The following STPG2 variants were observed in gnomAD, a reference collection of about 807,000 sequenced individuals.
STPG2 encodes the protein sperm tail PG-rich repeat containing 2, also known as sperm-tail PG-rich repeat-containing protein 2.
STPG2 carries 56 observed loss-of-function variants against 54.2 expected under a neutral mutation model. The observed-to-expected ratio is 1.03, with a 90% CI of 0.83 to 1.29. STPG2 has a LOEUF of 1.29. STPG2 is among the 50% of genes most tolerant of loss of function. STPG2 has a pLI of 0.00. For synonymous variants in STPG2, 200 were observed against 181.8 expected (o/e 1.10, Z -0.81); for missense variants, 596 against 544.9 (o/e 1.09, Z -0.93).
intron 5 of STPG2, among the ~76,000 whole-genome samples, chr4:98,019,017 G>A (rs1736074229): frequency 1.3e-5 from 2 of 151,462 alleles, no homozygotes; most frequent in African/African-American, 4.8e-5. Flanking sequence ...AAGCTCTTTA[G>A]TTTAATGATA....
At chr4:97,481,848 A>C (rs1283763865) in intron 4 of STPG2, among the ~76,000 whole-genome samples, 1 of 151,556 alleles carries the variant, frequency 6.6e-6, no homozygotes, top group Non-Finnish European at 1.5e-5. Flanking sequence ...TTCTTGACTT[A>C]TTAAAGTGGC....
At chr4:97,808,119 T>G (rs914575225) in intron 9 of STPG2, among the ~76,000 whole-genome samples, 1 of 151,842 alleles carries the variant, frequency 6.6e-6, no homozygotes, top group African/African-American at 2.4e-5. Flanking sequence ...AGAACCATAC[T>G]AAAAGACTAA....
chr4:97,454,202 G>A (rs1019008725), intron 4 of STPG2, among the ~76,000 whole-genome samples: 8 of 152,038 alleles, frequency 5.3e-5, no homozygotes, highest in African/African-American at 1.9e-4. Context: ...TAGTGTATAA[G>A]CTGGCATTTC....
At chr4:97,488,608 A>T (rs988384116) in intron 4 of STPG2, among the ~76,000 whole-genome samples, 1 of 151,736 alleles carries the variant, frequency 6.6e-6, no homozygotes, top group South Asian at 2.1e-4. Context: ...GTGGGTAAGT[A>T]GGCAGTCTTT....
chr4:97,665,998 C>G (rs770754369), intron 10 of STPG2, among the ~76,000 whole-genome samples: 1 of 152,116 alleles, frequency 6.6e-6, no homozygotes, highest in Non-Finnish European at 1.5e-5. Context: ...GTAGGGGAGG[C>G]CTTCCTGGGC....
At chr4:97,965,072 T>A (rs1237409057) in intron 7 of STPG2, among the ~76,000 whole-genome samples, 1 of 152,200 alleles carries the variant, frequency 6.6e-6, no homozygotes, top group African/African-American at 2.4e-5. Context: ...GGTTGAGGGA[T>A]TTCCCTTTCC....
At chr4:97,596,615 CA>C (rs1488111738) in intron 10 of STPG2, among the ~76,000 whole-genome samples, 3 of 152,046 alleles carry the variant, frequency 2.0e-5, no homozygotes, top group African/African-American at 7.2e-5. Flanking sequence ...GAAGATTGCT[CA>C]AAACTATACA....
At chr4:97,644,507 G>T (rs540945390) in intron 10 of STPG2, among the ~76,000 whole-genome samples, 2 of 152,080 alleles carry the variant, frequency 1.3e-5, no homozygotes, top group Non-Finnish European at 2.9e-5. Flanking sequence ...TGTGCTGGAG[G>T]AATGTTTTAT....
chr4:97,540,291 A>T (rs1392435625), intron 4 of STPG2, among the ~76,000 whole-genome samples: 1 of 152,160 alleles, frequency 6.6e-6, no homozygotes, highest in African/African-American at 2.4e-5. Context: ...GATAAAGGGG[A>T]TATCACCACC....
In STPG2 at chr4:97,767,020, T is replaced by G. The variant is rs1192164186; in HGVS notation, c.1205-54206A>C. ...AAATCTGAACAAGATTTTCTATATG[T>G]CTAAAATTTCAAAATATTCAACATA... On this transcript the variant is annotated intron_variant, in intron 9 of 10. Coordinates refer to ENST00000295268, the MANE Select transcript of STPG2 (RefSeq NM_174952.3). Among the ~76,000 whole-genome samples, 4 of 152,174 alleles carry G rather than the reference T, an allele frequency of 2.6e-5. No homozygotes were observed. In the South Asian group the frequency reaches 6.2e-4, roughly 24 times the overall value.
At chr4:97,634,288 G>A (rs1347867530) in intron 10 of STPG2, among the ~76,000 whole-genome samples, 1 of 152,098 alleles carries the variant, frequency 6.6e-6, no homozygotes, top group Admixed American at 6.5e-5. Context: ...GGTCCTGTCT[G>A]TTAGAAGGAA....
chr4:97,459,733 G>T (rs936394155), intron 4 of STPG2, among the ~76,000 whole-genome samples: 1 of 152,116 alleles, frequency 6.6e-6, no homozygotes, highest in Non-Finnish European at 1.5e-5. Flanking sequence ...GAGCCACCGT[G>T]CCCGGCCAGG....
intron 9 of STPG2, among the ~76,000 whole-genome samples, chr4:97,803,416 C>T (rs1380410029): frequency 6.6e-6 from 1 of 152,048 alleles, no homozygotes; most frequent in Non-Finnish European, 1.5e-5. Flanking sequence ...CCCAATAAAA[C>T]ATTAACTTTT....
At chr4:97,507,616 A>T (rs1304164914) in intron 4 of STPG2, among the ~76,000 whole-genome samples, 1 of 152,028 alleles carries the variant, frequency 6.6e-6, no homozygotes, top group Non-Finnish European at 1.5e-5. Context: ...TCCCCATGCC[A>T]CTTGCACTCT....
intron 10 of STPG2, among the ~76,000 whole-genome samples, chr4:97,688,429 C>T (rs887690289): frequency 6.6e-6 from 1 of 152,118 alleles, no homozygotes; most frequent in African/African-American, 2.4e-5. Flanking sequence ...TACAGTAGCG[C>T]AATCTCGGCT....
intron 5 of STPG2, among the ~76,000 whole-genome samples, chr4:98,053,705 T>C (rs1177011847): frequency 6.6e-6 from 1 of 152,126 alleles, no homozygotes; most frequent in Non-Finnish European, 1.5e-5. Flanking sequence ...TTAATTGCCT[T>C]GAGACATAAT....
chr4:97,914,810 A>C (rs1276806265), intron 8 of STPG2, among the ~76,000 whole-genome samples: 1 of 152,186 alleles, frequency 6.6e-6, no homozygotes, highest in Non-Finnish European at 1.5e-5. Context: ...AAAAAGTTTC[A>C]GATTTTGGAG....
chr4:97,456,966 G>T (rs148892556), intron 4 of STPG2, among the ~76,000 whole-genome samples: 2,546 of 134,768 alleles, frequency 0.019, 33 homozygotes, highest in Non-Finnish European at 0.026. Flanking sequence ...CCTTGCCAAA[G>T]AAGATTATAT....
intron 10 of STPG2, among the ~76,000 whole-genome samples, chr4:97,576,004 C>T (rs1385093395): frequency 1.3e-5 from 2 of 151,778 alleles, no homozygotes; most frequent in African/African-American, 4.8e-5. Flanking sequence ...GAATGCAATC[C>T]CATTTACCAT....
Sources: allele counts gnomAD v4.1 joint callset (sites outside exome capture counted in the v4.1 genomes callset), GRCh38; gene constraint gnomAD v4.1.1; transcripts MANE v1.5; gene names NCBI Gene and HGNC (gene_info 2026-07-23, HGNC 2026-07-21).